The following TFAP2E variants were observed in gnomAD, a reference collection of about 807,000 sequenced individuals.
The protein encoded by TFAP2E is transcription factor AP-2 epsilon, also known as transcription factor AP-2-epsilon.
In TFAP2E, 30 loss-of-function variants were observed where a neutral mutation model predicts 37.9. The observed-to-expected ratio is 0.79, with a 90% CI of 0.59 to 1.07. The LOEUF (loss-of-function observed/expected upper bound fraction) is 1.07, where lower values mean the gene tolerates loss of function less well. TFAP2E is among the 50% of genes least tolerant of loss of function. TFAP2E has a pLI of 0.00. For synonymous variants in TFAP2E, 318 were observed against 295.8 expected (o/e 1.08, Z -0.77); for missense variants, 567 against 637.9 (o/e 0.89, Z 1.20).
chr1:35,582,482 T>C (rs1370427101), intron 3 of TFAP2E, among the ~76,000 whole-genome samples: 1 of 149,086 alleles, frequency 6.7e-6, no homozygotes, highest in African/African-American at 2.5e-5. Flanking sequence ...AAATTTTAAT[T>C]TTTTTTTTGC....
chr1:35,594,842 G>A lies in TFAP2E; in HGVS notation c.*166G>A, dbSNP rs969840681. On this transcript the variant is annotated 3_prime_UTR_variant, in exon 7 of 7. Transcript: ENST00000373235. ...GGGATCTGGCTTGGAGTAAGGGAGG[G>A]TGGCCTCTCTGTGGTGGTGTGTTGG... 1.5e-5 allele frequency: 15 copies of A among 1,032,862 alleles called. No homozygotes were observed. Among genetic ancestry groups the A allele is most frequent in the African/African-American group, 8.1e-5 (5 of 61,564 alleles). 64.0% of individuals were successfully genotyped at this position (1,032,862 alleles called of 1,614,324 possible).
intron 3 of TFAP2E, among the ~76,000 whole-genome samples, chr1:35,583,655 A>C (rs1269593272): frequency 6.7e-6 from 1 of 149,814 alleles, no homozygotes; most frequent in Admixed American, 6.7e-5. Context: ...TGGCTTCTGC[A>C]TATGTGACCA....
At chr1:35,575,689 T>A (rs1649147878) in intron 3 of TFAP2E, among the ~76,000 whole-genome samples, 1 of 152,218 alleles carries the variant, frequency 6.6e-6, no homozygotes, top group Non-Finnish European at 1.5e-5. Context: ...GTGAGGTGTG[T>A]CTCTGTATGT....
chr1:35,590,510 T>G lies in TFAP2E; in HGVS notation c.905-124T>G. ...GCTGGAGCTGGGCTGGGAAGGAACA[T>G]CAGAGGGGGCATCTACACAGGCAGG... On this transcript the variant is annotated intron_variant, in intron 5 of 6. Coordinates refer to ENST00000373235, the MANE Select transcript of TFAP2E (RefSeq NM_178548.4). This position sits in a 1 kb window ranked among gnomAD's most constrained non-coding sequence, Gnocchi z 6.2. The G allele has an allele frequency of 8.5e-7, 1 of 1,170,584 alleles. No homozygotes were observed. Among genetic ancestry groups the G allele is most frequent in the Non-Finnish European group, 1.1e-6 (1 of 890,938 alleles). The allele number at this position is 1,170,584 out of a possible 1,614,324, so 72.5% of individuals were successfully genotyped here.
chr1:35,586,657 T>C (rs1456526553), intron 3 of TFAP2E, among the ~76,000 whole-genome samples: 4 of 151,700 alleles, frequency 2.6e-5, no homozygotes, highest in Admixed American at 2.0e-4. Context: ...GATCTAGTGA[T>C]GGATGGGATG....
chr1:35,591,847 C>T (rs762516804), intron 6 of TFAP2E, among the ~76,000 whole-genome samples: 12 of 152,064 alleles, frequency 7.9e-5, no homozygotes, highest in Non-Finnish European at 1.8e-4. Flanking sequence ...CCACCAGGCC[C>T]AGCTAATTTT....
chr1:35,594,529 TG>T lies in TFAP2E; in HGVS notation c.1185del (p.Pro396LeufsTer26). 1 of 1,614,208 alleles carries T rather than the reference TG, an allele frequency of 6.2e-7. No individual in the cohort carries two copies. Among genetic ancestry groups the T allele is most frequent in the Non-Finnish European group, 8.5e-7 (1 of 1,180,034 alleles). On this transcript the variant is annotated frameshift_variant, in exon 7 of 7. Transcript: ENST00000373235. LOFTEE classifies it high-confidence loss of function. ...TTAGCCTCATCACCCATGGCTTCGG[TG>T]GGCCTGCCATCTGTGCTGCCCTCAC... ...HFSLITHGFG[G>X]PAICAALTAF...
In TFAP2E at chr1:35,581,448, G is replaced by A. The variant is rs565149763; in HGVS notation, c.562+6448G>A. Among the ~76,000 whole-genome samples, 5 of 152,162 alleles carry A rather than the reference G, an allele frequency of 3.3e-5. No homozygotes were observed. In the South Asian group the frequency reaches 8.3e-4, roughly 25 times the overall value. On this transcript the variant is annotated intron_variant, in intron 3 of 6. Transcript: ENST00000373235. ...AGTGCAATTGCTGGATTATATGGTC[G>A]GTTTAGGTTTAATTTTTAAGAAACT... is the stretch of plus-strand genomic sequence containing the variant.
chr1:35,580,731 C>T (rs111741373), intron 3 of TFAP2E, among the ~76,000 whole-genome samples: 2,754 of 151,592 alleles, frequency 0.018, 81 homozygotes, highest in African/African-American at 0.063. Context: ...GCTGAGATTG[C>T]GCCACTGCAC....
In TFAP2E at chr1:35,595,153, T is replaced by A. The variant is rs1035011491; in HGVS notation, c.*477T>A. The A allele has an allele frequency of 4.9e-6, 1 of 205,006 alleles. No individual in the cohort carries two copies. The highest frequency in any genetic ancestry group is 9.7e-6 in the Non-Finnish European group (1 of 103,192). The allele number at this position is 205,006 out of a possible 1,614,324, so 12.7% of individuals were successfully genotyped here. On this transcript the variant is annotated 3_prime_UTR_variant, in exon 7 of 7. Coordinates refer to ENST00000373235, the MANE Select transcript of TFAP2E (RefSeq NM_178548.4). Reference sequence around the variant, plus strand: ...AAGGGGTGCTGGAAGGAGGCCCCAGTGGACTCTTTGTACCCTTCCTACTCT... The same window carrying A: ...AAGGGGTGCTGGAAGGAGGCCCCAGAGGACTCTTTGTACCCTTCCTACTCT...
At chr1:35,574,829 C>G (rs1571095357) in intron 2 of TFAP2E, 120 bp from the exon 3 acceptor site, 6 of 1,400,494 alleles carry the variant, frequency 4.3e-6, no homozygotes, top group Non-Finnish European at 6.1e-6. Flanking sequence ...CCGTCGCCGC[C>G]CCAAGCGAAG....
intron 3 of TFAP2E, 97 bp downstream of exon 3, chr1:35,575,097 C>T: frequency 6.7e-7 from 1 of 1,490,706 alleles, no homozygotes; most frequent in South Asian, 1.1e-5. Context: ...CTGTGTGTCG[C>T]CAGGCTGGGT....
intron 2 of TFAP2E, 98 bp downstream of exon 2, chr1:35,574,507 C>G: frequency 7.5e-7 from 1 of 1,331,252 alleles, no homozygotes; most frequent in Non-Finnish European, 9.6e-7. Flanking sequence ...GCCGACTTTT[C>G]TCCCAGCTCG....
Position 35,590,023 on chromosome 1 carries a change from G to T in TFAP2E, c.879G>T (p.Val293=). 6.2e-7 allele frequency: 1 copy of T among 1,614,064 alleles called. No homozygotes were observed. The highest frequency in any genetic ancestry group is 1.1e-5 in the South Asian group (1 of 91,038). The change falls in exon 5 of 7, where the codon GTG becomes GTT. Residue 293 remains valine, a synonymous_variant. Coordinates refer to ENST00000373235, the MANE Select transcript of TFAP2E (RefSeq NM_178548.4). The surrounding 1 kb of genome is among the most constrained non-coding windows in gnomAD (Gnocchi z 6.2). ...CTGGCCGTCGCAAGGCCGCCAATGT[G>T]ACGCTGCTGACTTCGCTAGTGGAAG... ...LPAGRRKAAN[V]TLLTSLVEGE... is the part of the protein sequence containing the mutation.
intron 3 of TFAP2E, among the ~76,000 whole-genome samples, chr1:35,580,874 G>T (rs1447803898): frequency 2.6e-5 from 4 of 151,842 alleles, no homozygotes; most frequent in Non-Finnish European, 5.9e-5. Flanking sequence ...ACGATTTTTT[G>T]AGGTAAAATT....
Position 35,575,026 on chromosome 1 carries a change from G to C in TFAP2E, c.562+26G>C, listed in dbSNP as rs756824440. On this transcript the variant is annotated intron_variant, in intron 3 of 6. Transcript: ENST00000373235. Reference sequence around the variant, plus strand: ...GTAAGGAATGGTCTGTCAGGGCAGAGCCCGGCGAGATGGTGCAGGCCCTTG... The same window carrying C: ...GTAAGGAATGGTCTGTCAGGGCAGACCCCGGCGAGATGGTGCAGGCCCTTG... 3.1e-6 allele frequency: 5 copies of C among 1,613,712 alleles called. No individual in the cohort carries two copies. The South Asian group carries it at 5.5e-5, about 18-fold the overall frequency.
At chr1:35,574,913 T>TTATGCGCCCTCAC in intron 2 of TFAP2E, 36 bp from the exon 3 acceptor site, 1 of 1,613,260 alleles carries the variant, frequency 6.2e-7, no homozygotes, top group Non-Finnish European at 8.5e-7. Context: ...GGCTAGGGCT[T>TTATGCGCCCTCAC]TATGCGCCCT....
At chr1:35,574,462 C>A in intron 2 of TFAP2E, 53 bp downstream of exon 2, 1 of 1,359,700 alleles carries the variant, frequency 7.4e-7, no homozygotes, top group Non-Finnish European at 9.5e-7. Context: ...TGGTTTACTA[C>A]CATGGCTGGA....
At position 35,577,787 on chromosome 1, in the gene TFAP2E, G is replaced by A. The variant is rs1377045981; in HGVS notation, c.562+2787G>A. 2 of 236,456 alleles carry A rather than the reference G, an allele frequency of 8.5e-6. No homozygotes were observed. Among genetic ancestry groups the A allele is most frequent in the Admixed American group, 4.8e-5 (1 of 20,712 alleles). The allele number at this position is 236,456 out of a possible 1,614,324, so 14.6% of individuals were successfully genotyped here. A position where few individuals can be genotyped will look rare whatever the true frequency, so the allele number is the denominator to read the frequency against. On this transcript the variant is annotated intron_variant, in intron 3 of 6. Coordinates refer to ENST00000373235, the MANE Select transcript of TFAP2E (RefSeq NM_178548.4). The surrounding 1 kb of genome is among the most constrained non-coding windows in gnomAD (Gnocchi z 6.3). ...GGCAAGCGTCCGGGAGGGGCGGCCA[G>A]GCGAAGCCCCGGCGCTTTACCACAC...
Sources: gnomAD v4.1 joint callset for allele counts (sites outside exome capture counted in the v4.1 genomes callset) on GRCh38, gnomAD v4.1.1 for gene constraint, Gnocchi (gnomAD v3.1) non-coding constraint, MANE v1.5 for transcripts, NCBI Gene and HGNC (gene_info 2026-07-23, HGNC 2026-07-21) for gene names.